PCDH9: variants seen among roughly 807,000 people sequenced by gnomAD.
The protein encoded by PCDH9 is protocadherin-9.
PCDH9 carries 24 observed loss-of-function variants against 70.6 expected under a neutral mutation model. That is an observed-to-expected ratio of 0.34 (90% CI 0.25 to 0.48). PCDH9 has a LOEUF of 0.48. Ranked by LOEUF, PCDH9 falls within the 20% of genes least tolerant of loss-of-function variation. The pLI, the probability that PCDH9 is intolerant of heterozygous loss-of-function variation, is 0.99. For synonymous variants in PCDH9, 562 were observed against 558.5 expected, an observed-to-expected ratio of 1.01 and a Z score of -0.09; for missense variants, 1,281 against 1,503.6, an observed-to-expected ratio of 0.85 and a Z score of 2.45.
At chr13:67,159,172 T>C (rs959139885) in intron 2 of PCDH9, among the ~76,000 whole-genome samples, 1 of 152,084 alleles carries the variant, frequency 6.6e-6, no homozygotes, top group African/African-American at 2.4e-5. Context: ...GAGATTTGAG[T>C]GGGAGGAACT....
chr13:66,811,763 C>A (rs1211263779), intron 3 of PCDH9, among the ~76,000 whole-genome samples: 1 of 146,386 alleles, frequency 6.8e-6, no homozygotes, highest in Non-Finnish European at 1.5e-5. Flanking sequence ...CTTTTTCTTT[C>A]TCTCTCTCTC....
intron 4 of PCDH9, among the ~76,000 whole-genome samples, chr13:66,623,277 A>T (rs568205716): frequency 6.6e-6 from 1 of 152,232 alleles, no homozygotes; most frequent in Non-Finnish European, 1.5e-5. Context: ...TGAGTGTCCT[A>T]TAATTAAAAA....
At chr13:67,145,210 C>T (rs1019365303) in intron 2 of PCDH9, among the ~76,000 whole-genome samples, 8 of 151,874 alleles carry the variant, frequency 5.3e-5, no homozygotes, top group East Asian at 3.9e-4. Flanking sequence ...GATAAGAGTC[C>T]GAAGCTGTCT....
At chr13:67,123,874 A>G (rs1458326791) in intron 2 of PCDH9, among the ~76,000 whole-genome samples, 1 of 151,538 alleles carries the variant, frequency 6.6e-6, no homozygotes, top group Non-Finnish European at 1.5e-5. Flanking sequence ...CATGTATATT[A>G]TATATAAATA....
At position 67,175,441 on chromosome 13, in the gene PCDH9, G is replaced by A. The variant is rs1215693019; in HGVS notation, c.3036+49964C>T. Among the ~76,000 whole-genome samples, 3 of 152,056 alleles carry A rather than the reference G, an allele frequency of 2.0e-5. No homozygotes were observed. The East Asian group carries it at 5.8e-4, about 29-fold the overall frequency. ...ACTACCTACAGAAACACTACAAGCA[G>A]GGCCTGGAACAAACAGGGGCTATAC... On this transcript the variant is annotated intron_variant, in intron 2 of 4. Coordinates refer to ENST00000377865, the MANE Select transcript of PCDH9 (RefSeq NM_203487.3).
intron 3 of PCDH9, among the ~76,000 whole-genome samples, chr13:66,764,267 G>A (rs9571653): frequency 6.1e-5 from 9 of 146,472 alleles, no homozygotes; most frequent in South Asian, 2.2e-4. Context: ...AAAAAAAACC[G>A]AAAACTTTAA....
chr13:66,775,222 T>C (rs2079871954), intron 3 of PCDH9, among the ~76,000 whole-genome samples: 1 of 152,246 alleles, frequency 6.6e-6, no homozygotes, highest in Non-Finnish European at 1.5e-5. Context: ...AGGAAGCATG[T>C]AGTAAAATTA....
chr13:66,805,666 GA>G (rs1028539476), intron 3 of PCDH9, among the ~76,000 whole-genome samples: 1 of 151,876 alleles, frequency 6.6e-6, no homozygotes, highest in Non-Finnish European at 1.5e-5. Context: ...TCTTATGAAA[GA>G]AAAAAATAGA....
At chr13:67,089,208 A>C (rs1240237445) in intron 2 of PCDH9, among the ~76,000 whole-genome samples, 1 of 152,062 alleles carries the variant, frequency 6.6e-6, no homozygotes, top group African/African-American at 2.4e-5. Context: ...GGGATGTTTA[A>C]TTAGAGATTC....
At chr13:66,926,770 C>T (rs1353357081) in intron 2 of PCDH9, among the ~76,000 whole-genome samples, 1 of 152,066 alleles carries the variant, frequency 6.6e-6, no homozygotes, top group Non-Finnish European at 1.5e-5. Context: ...GTGCTACACA[C>T]TACAATTTTT....
chr13:66,354,883 A>G lies in PCDH9; in HGVS notation c.3341-49855T>C, dbSNP rs1002744201. On this transcript the variant is annotated intron_variant, in intron 4 of 4. Transcript: ENST00000377865. ...ATTATTATCACTTTACCAATTAGAG[A>G]TTAACTTATTATATTCCAGGGCTTG... Among the ~76,000 whole-genome samples the G allele has an allele frequency of 8.5e-5, 13 of 152,068 alleles. 1 individual carries two copies. Among genetic ancestry groups the G allele is most frequent in the Admixed American group, 7.9e-4 (12 of 15,250 alleles).
At chr13:66,539,664 GT>G (rs935670605) in intron 4 of PCDH9, among the ~76,000 whole-genome samples, 2 of 151,906 alleles carry the variant, frequency 1.3e-5, no homozygotes, top group South Asian at 2.1e-4. Flanking sequence ...GGAGTATTGG[GT>G]TTTTTTGTTT....
Position 67,225,924 on chromosome 13 carries a change from G to A in PCDH9, c.2517C>T (p.Arg839=). The change falls in exon 2 of 5, where the codon CGC becomes CGT. Residue 839 remains arginine, a synonymous_variant. Coordinates refer to ENST00000377865, the MANE Select transcript of PCDH9 (RefSeq NM_203487.3). ...VIFVTVLVRC[R]HASRFKAAQR... ...GAGCTGCTTTGAACCTTGATGCATGGCGACAGCGCACCAGAACGGTGACGA... is the reference window on the plus strand; with the variant it reads ...GAGCTGCTTTGAACCTTGATGCATGACGACAGCGCACCAGAACGGTGACGA... The A allele has an allele frequency of 1.2e-6, 2 of 1,614,052 alleles. No homozygotes were observed. Among genetic ancestry groups the A allele is most frequent in the Non-Finnish European group, 8.5e-7 (1 of 1,180,020 alleles).
intron 4 of PCDH9, among the ~76,000 whole-genome samples, chr13:66,585,257 T>A (rs776788401): frequency 6.6e-6 from 1 of 152,120 alleles, no homozygotes; most frequent in East Asian, 1.9e-4. Flanking sequence ...ATGAGACACA[T>A]AAAAATAGAA....
chr13:66,774,575 C>A (rs1450736520), intron 3 of PCDH9, among the ~76,000 whole-genome samples: 1 of 152,152 alleles, frequency 6.6e-6, no homozygotes, highest in East Asian at 1.9e-4. Context: ...TTTAGTCCTA[C>A]TTTTTCTATA....
At chr13:67,155,645 G>T (rs947831447) in intron 2 of PCDH9, among the ~76,000 whole-genome samples, 11 of 151,958 alleles carry the variant, frequency 7.2e-5, no homozygotes, top group Non-Finnish European at 1.6e-4. Context: ...GTTTTCTAAG[G>T]AATTAGCAAT....
At chr13:66,501,390 C>G (rs970989714) in intron 4 of PCDH9, among the ~76,000 whole-genome samples, 1 of 152,040 alleles carries the variant, frequency 6.6e-6, no homozygotes. Flanking sequence ...TTTGCTGACT[C>G]TCAAATGTCA....
chr13:66,398,828 A>G (rs1180041827), intron 4 of PCDH9, among the ~76,000 whole-genome samples: 1 of 152,194 alleles, frequency 6.6e-6, no homozygotes, highest in Non-Finnish European at 1.5e-5. Flanking sequence ...AAGATGATAC[A>G]TTCTGCATAA....
intron 3 of PCDH9, among the ~76,000 whole-genome samples, chr13:66,682,581 T>G (rs1366212410): frequency 2.6e-5 from 4 of 152,110 alleles, no homozygotes; most frequent in Admixed American, 1.3e-4. Flanking sequence ...CCTTTCTGAT[T>G]GTTGTGTTGG....
Sources: gnomAD v4.1 joint callset for allele counts (sites outside exome capture counted in the v4.1 genomes callset) on GRCh38, gnomAD v4.1.1 for gene constraint, MANE v1.5 for transcripts, NCBI Gene and HGNC (gene_info 2026-07-23, HGNC 2026-07-21) for gene names.